Variants in CTNND1 observed in about 807,000 individuals in gnomAD.
The protein encoded by CTNND1 is catenin delta 1.
CTNND1 carries 16 observed loss-of-function variants against 112.1 expected under a neutral mutation model. That is an observed-to-expected ratio of 0.14 (90% CI 0.10 to 0.22). The LOEUF is 0.22. Ranked by LOEUF, CTNND1 falls within the 10% of genes least tolerant of loss-of-function variation. The pLI is 1.00. For synonymous variants in CTNND1, 420 were observed against 446.5 expected (o/e 0.94, Z 0.75); for missense variants, 1,008 against 1,257.0 (o/e 0.80, Z 3.00).
intron 1 of CTNND1, among the ~76,000 whole-genome samples, chr11:57,766,636 T>G (rs1951138129): frequency 6.6e-6 from 1 of 152,180 alleles, no homozygotes; most frequent in African/African-American, 2.4e-5. Context: ...AATAGAGCAT[T>G]GATGTAGCCT....
Position 57,796,924 on chromosome 11 carries a change from T to C in CTNND1, c.888T>C (p.Tyr296=), listed in dbSNP as rs1210784516. The C allele has an allele frequency of 2.5e-6, 4 of 1,576,696 alleles. No homozygotes were observed. The Admixed American group carries it at 5.3e-5, about 21-fold the overall frequency. The part of the protein sequence containing the change: ...QRSMGYDDLD[Y]GMMSDYGTAR... ...GTATGGGCTATGATGACCTGGATTA[T>C]GGTATGATGTCTGATTATGGCACTG... The change falls in exon 6 of 21, where the codon TAT becomes TAC. Residue 296 remains tyrosine, a synonymous_variant. Transcript: ENST00000399050.
At chr11:57,764,484 G>GAATAAC (rs1950614489) in intron 1 of CTNND1, among the ~76,000 whole-genome samples, 1 of 152,084 alleles carries the variant, frequency 6.6e-6, no homozygotes, top group Non-Finnish European at 1.5e-5. Flanking sequence ...CTATCAATTG[G>GAATAAC]AATAACAAAA....
At chr11:57,767,959 G>T (rs574302436) in intron 1 of CTNND1, among the ~76,000 whole-genome samples, 2 of 151,032 alleles carry the variant, frequency 1.3e-5, no homozygotes, top group African/African-American at 2.4e-5. Flanking sequence ...TCAGCCTCCC[G>T]AGTAGCTGGG....
In CTNND1 at chr11:57,796,950, CCCGTCG is replaced by C; in HGVS notation, c.915_920del (p.Arg306_Arg307del). ...GGTATGATGTCTGATTATGGCACTG[CCCGTCG>C]GACTGGGACACCCTCTGACCCTCGT... On this transcript the variant is annotated inframe_deletion, in exon 6 of 21. Transcript: ENST00000399050. The C allele has an allele frequency of 1.3e-6, 2 of 1,535,256 alleles. No individual in the cohort carries two copies. The highest frequency in any genetic ancestry group is 1.2e-5 in the South Asian group (1 of 80,200).
rs149056439 is a variant in CTNND1, at chr11:57,812,915, C to G, written c.2639-1396C>G. On this transcript the variant is annotated intron_variant, in intron 17 of 20. Coordinates refer to ENST00000399050, the MANE Select transcript of CTNND1 (RefSeq NM_001085458.2). Reference sequence around the variant, plus strand: ...GCAGACATTTTCTCAAAAACGAATGCGATAAGCTTGTTGCTTTGAGGAAAA... The same window carrying G: ...GCAGACATTTTCTCAAAAACGAATGGGATAAGCTTGTTGCTTTGAGGAAAA... 5.9e-5 allele frequency among the ~76,000 whole-genome samples: 9 copies of G among 152,282 alleles called. No individual in the cohort carries two copies. In the East Asian group the frequency reaches 1.7e-3, roughly 29 times the overall value.
Position 57,761,894 on chromosome 11 carries a change from G to C in CTNND1, c.-439G>C, listed in dbSNP as rs1223316183. The stretch of plus-strand genomic sequence containing the variant: ...ATCTGAGGGGGAAAAAAAAGAGAGA[G>C]GGAGAGAGAGAGAAAGAAGAGCAGG... On this transcript the variant is annotated 5_prime_UTR_variant, in exon 1 of 21. Transcript: ENST00000399050. The C allele has an allele frequency of 1.0e-6, 1 of 985,298 alleles. No homozygotes were observed. The highest frequency in any genetic ancestry group is 1.7e-5 in the African/African-American group (1 of 57,226). 61.0% of individuals were successfully genotyped at this position (985,298 alleles called of 1,614,324 possible).
At chr11:57,799,129 G>T (rs1219242191) in intron 6 of CTNND1, among the ~76,000 whole-genome samples, 1 of 152,222 alleles carries the variant, frequency 6.6e-6, no homozygotes, top group Non-Finnish European at 1.5e-5. Flanking sequence ...CATTATCTAA[G>T]ACTGAGTCAC....
At position 57,804,794 on chromosome 11, in the gene CTNND1, T is replaced by C; in HGVS notation, c.1722+14T>C. ...TCAGACAGCAAGGTAAGTGCTGTCT[T>C]ACCTTTAATGGCTGAGTGAATTTCA... On this transcript the variant is annotated intron_variant, in intron 9 of 20. Transcript: ENST00000399050. 1 of 1,569,120 alleles carries C rather than the reference T, an allele frequency of 6.4e-7. No homozygotes were observed.
chr11:57,815,314 A>G (rs1394072976), intron 18 of CTNND1, 80 bp from the exon 19 acceptor site: 5 of 790,574 alleles, frequency 6.3e-6, no homozygotes, highest in Non-Finnish European at 1.0e-5. Context: ...AGTGATGCCT[A>G]ATTACACCTA....
rs116648279 is a variant in CTNND1 at position 57,795,308 on chromosome 11, T to A, written c.268-269T>A. ...TCATGTTCACTTAGATGACCACAGC[T>A]GGGAAGTTAAATCTACTGTCTGTCA... On this transcript the variant is annotated intron_variant, in intron 4 of 20. Coordinates refer to ENST00000399050, the MANE Select transcript of CTNND1 (RefSeq NM_001085458.2). Among the ~76,000 whole-genome samples the A allele has an allele frequency of 2.2e-3, 334 of 152,314 alleles. 4 individuals carry two copies. The highest frequency in any genetic ancestry group is 7.8e-3 in the African/African-American group (324 of 41,570).
In CTNND1 at chr11:57,800,299, G is replaced by A. The variant is rs375514671; in HGVS notation, c.957-1434G>A. ...TTTTTTTTCTTCGAAATAGAGTCTC[G>A]CTCTGTCACTTAGGCTGGAGTGCAG... On this transcript the variant is annotated intron_variant, in intron 6 of 20. Coordinates refer to ENST00000399050, the MANE Select transcript of CTNND1 (RefSeq NM_001085458.2). Among the ~76,000 whole-genome samples, 152 of 148,560 alleles carry A rather than the reference G, an allele frequency of 1.0e-3. 6 individuals carry two copies. The South Asian group carries it at 0.031, about 31-fold the overall frequency.
chr11:57,802,177 C>T lies in CTNND1; in HGVS notation c.1401C>T (p.Asp467=). 6.2e-7 allele frequency: 1 copy of T among 1,612,368 alleles called. No homozygotes were observed. Among genetic ancestry groups the T allele is most frequent in the Non-Finnish European group, 8.5e-7 (1 of 1,179,004 alleles). ...TGCTTCGAAAGGCTCGTGATATGGACCTTACTGAAGTTATTACCGGTGAGT... is the reference window on the plus strand; with the variant it reads ...TGCTTCGAAAGGCTCGTGATATGGATCTTACTGAAGTTATTACCGGTGAGT... The part of the protein sequence containing the change: ...VRLLRKARDM[D]LTEVITGTLW... The change falls in exon 7 of 21, where the codon GAC becomes GAT. Residue 467 remains aspartate (D), a synonymous_variant. Coordinates refer to ENST00000399050, the MANE Select transcript of CTNND1 (RefSeq NM_001085458.2).
chr11:57,784,766 A>G (rs182758264), intron 1 of CTNND1, among the ~76,000 whole-genome samples: 25 of 152,236 alleles, frequency 1.6e-4, no homozygotes, highest in Non-Finnish European at 2.9e-4. Flanking sequence ...TCAGCCTCCT[A>G]AAGTGCTGTG....
At chr11:57,813,334 A>G (rs533107584) in intron 17 of CTNND1, among the ~76,000 whole-genome samples, 8 of 152,324 alleles carry the variant, frequency 5.3e-5, no homozygotes, top group South Asian at 2.1e-4. Context: ...CAAAAAATAC[A>G]TGATTAAAAT....
chr11:57,791,931 T>A (rs1331694476), intron 3 of CTNND1, among the ~76,000 whole-genome samples: 1 of 152,196 alleles, frequency 6.6e-6, no homozygotes, highest in East Asian at 1.9e-4. Flanking sequence ...TGGGGTGGGC[T>A]ACAATTCTAG....
At chr11:57,801,623 C>T in intron 6 of CTNND1, 110 bp from the exon 7 acceptor site, 1 of 808,438 alleles carries the variant, frequency 1.2e-6, no homozygotes, top group Non-Finnish European at 2.0e-6. Flanking sequence ...ATAAGATGAG[C>T]ACACTGAAAC....
chr11:57,805,926 A>G lies in CTNND1; in HGVS notation c.1767A>G (p.Gln589=). ...GCCTTCTTCGGAACTTATCATATCA[A>G]GTTCACCGGGAGATCCCACAGGCAG... ...CVCLLRNLSY[Q]VHREIPQAER... is the part of the protein sequence containing the mutation. The change falls in exon 10 of 21, where the codon CAA becomes CAG. Residue 589 remains glutamine, a synonymous_variant. Transcript: ENST00000399050. 1 of 1,613,786 alleles carries G rather than the reference A, an allele frequency of 6.2e-7. No homozygotes were observed. The highest frequency in any genetic ancestry group is 1.1e-5 in the South Asian group (1 of 91,026).
rs1195046664 is a variant in CTNND1 at position 57,797,001 on chromosome 11, G to C, written c.956+9G>C. On this transcript the variant is annotated intron_variant, in intron 6 of 20. Coordinates refer to ENST00000399050, the MANE Select transcript of CTNND1 (RefSeq NM_001085458.2). The stretch of plus-strand genomic sequence containing the variant: ...CCTCGTCGGCGCCTCAGGTAGGCAA[G>C]AATAGGGGAAGAGAAAAGGGTCTTT... 1.4e-5 allele frequency: 21 copies of C among 1,451,964 alleles called. 1 individual carries two copies. The Admixed American group carries it at 4.6e-4, about 32-fold the overall frequency. 89.9% of individuals were successfully genotyped at this position (1,451,964 alleles called of 1,614,324 possible).
At position 57,783,004 on chromosome 11, in the gene CTNND1, G is replaced by A. The variant is rs116380767; in HGVS notation, c.-213-6033G>A. Reference sequence around the variant, plus strand: ...CTGACTGAGCATGAAGGTGGAACATGGTTGGGCATGGTGGCTCACGCCTGT... The same window carrying A: ...CTGACTGAGCATGAAGGTGGAACATAGTTGGGCATGGTGGCTCACGCCTGT... On this transcript the variant is annotated intron_variant, in intron 1 of 20. Transcript: ENST00000399050. Among the ~76,000 whole-genome samples the A allele has an allele frequency of 6.2e-3, 940 of 152,354 alleles. 10 individuals are homozygous for A. The highest frequency in any genetic ancestry group is 0.021 in the African/African-American group (875 of 41,578).
Sources: allele counts gnomAD v4.1 joint callset (sites outside exome capture counted in the v4.1 genomes callset), GRCh38; gene constraint gnomAD v4.1.1; transcripts MANE v1.5; gene names NCBI Gene and HGNC (gene_info 2026-07-23, HGNC 2026-07-21).